TMEM132C: variants seen among roughly 807,000 people sequenced by gnomAD.
TMEM132C encodes transmembrane protein 132C, also known as protein phosphatase 1, regulatory subunit 152.
A neutral mutation model predicts 61.4 loss-of-function variants in TMEM132C; 29 were observed. The ratio of observed to expected loss-of-function variants is 0.47; its 90% CI spans 0.35 to 0.64. TMEM132C has a LOEUF of 0.64. Among genes scored for constraint, TMEM132C ranks in the 30% least tolerant of loss-of-function variants. The pLI, the probability that TMEM132C is intolerant of heterozygous loss-of-function variation, is 0.00. For synonymous variants in TMEM132C, 656 were observed against 633.1 expected (o/e 1.04, Z -0.54); for missense variants, 1,408 against 1,476.9 (o/e 0.95, Z 0.76).
rs906781127 is a variant in TMEM132C, at chr12:128,267,193, C to G, written c.-210C>G. Among the ~76,000 whole-genome samples the G allele has an allele frequency of 1.4e-5, 2 of 146,550 alleles. No individual in the cohort carries two copies. The highest frequency in any genetic ancestry group is 2.5e-5 in the African/African-American group (1 of 40,698). Reference sequence around the variant, plus strand: ...GAGAAAAGTTGTCCCGGCCGGAGCGCGAGCAGCGGCGGAGCCGGAGCCGCC... The same window carrying G: ...GAGAAAAGTTGTCCCGGCCGGAGCGGGAGCAGCGGCGGAGCCGGAGCCGCC... On this transcript the variant is annotated 5_prime_UTR_variant, in exon 1 of 9. Transcript: ENST00000435159.
intron 3 of TMEM132C, among the ~76,000 whole-genome samples, chr12:128,603,282 C>G (rs74963532): frequency 6.6e-6 from 1 of 152,196 alleles, no homozygotes; most frequent in African/African-American, 2.4e-5. Flanking sequence ...ACAGATGCTC[C>G]TCTTGATGGA....
intron 1 of TMEM132C, among the ~76,000 whole-genome samples, chr12:128,296,067 C>A (rs1871405785): frequency 6.6e-6 from 1 of 152,124 alleles, no homozygotes; most frequent in South Asian, 2.1e-4. Context: ...TCTCTTTGTC[C>A]CCTATATTTA....
intron 1 of TMEM132C, among the ~76,000 whole-genome samples, chr12:128,355,151 G>A (rs1291495418): frequency 6.6e-6 from 1 of 152,176 alleles, no homozygotes; most frequent in Non-Finnish European, 1.5e-5. Context: ...GCCCGCAGAA[G>A]CCCAAAGAAG....
intron 2 of TMEM132C, among the ~76,000 whole-genome samples, chr12:128,514,059 A>G (rs1198696279): frequency 1.3e-5 from 2 of 152,208 alleles, no homozygotes; most frequent in African/African-American, 2.4e-5. Context: ...ACAGCAGGGT[A>G]GTCAGAAATC....
intron 4 of TMEM132C, among the ~76,000 whole-genome samples, chr12:128,625,005 G>A (rs1030917923): frequency 2.0e-5 from 3 of 152,160 alleles, no homozygotes; most frequent in African/African-American, 7.2e-5. Context: ...AAGGGAGGGG[G>A]GTGACCCTAT....
intron 2 of TMEM132C, chr12:128,439,187 A>G (rs1405093116): frequency 6.1e-6 from 1 of 165,266 alleles, no homozygotes; most frequent in Non-Finnish European, 1.3e-5. Context: ...GCCAATGGCA[A>G]GGAAGGAGCT....
At chr12:128,334,771 T>C (rs556041670) in intron 1 of TMEM132C, among the ~76,000 whole-genome samples, 94 of 152,106 alleles carry the variant, frequency 6.2e-4, no homozygotes, top group Non-Finnish European at 1.3e-3. Context: ...AATTTTTTTG[T>C]AGTTTTAGTA....
Position 128,518,096 on chromosome 12 carries a change from G to C in TMEM132C, c.975-25861G>C, listed in dbSNP as rs1020724466. Reference sequence around the variant, plus strand: ...CAGCCTTTTCTCTTTTATTAGAATCGACATCTTATGTGGCACAAACAAATA... The same window carrying C: ...CAGCCTTTTCTCTTTTATTAGAATCCACATCTTATGTGGCACAAACAAATA... On this transcript the variant is annotated intron_variant, in intron 2 of 8. Transcript: ENST00000435159. 2.6e-5 allele frequency among the ~76,000 whole-genome samples: 4 copies of C among 152,158 alleles called. No individual in the cohort carries two copies. In the East Asian group the frequency reaches 7.7e-4, roughly 29 times the overall value.
rs193291919 is a variant in TMEM132C, at chr12:128,609,133, G to T, written c.1122-7019G>T. Among the ~76,000 whole-genome samples the T allele has an allele frequency of 2.0e-3, 288 of 147,324 alleles. 1 individual carries two copies. Among genetic ancestry groups the T allele is most frequent in the African/African-American group, 6.9e-3 (274 of 39,536 alleles). On this transcript the variant is annotated intron_variant, in intron 3 of 8. Transcript: ENST00000435159. ...CCTGCACTGTAACCTCCACCTCCCT[G>T]CAACACTGTAACCCCCGCCTCCCTG... is the stretch of plus-strand genomic sequence containing the variant.
chr12:128,482,903 G>C (rs1044156734), intron 2 of TMEM132C, among the ~76,000 whole-genome samples: 3 of 151,960 alleles, frequency 2.0e-5, no homozygotes, highest in Non-Finnish European at 4.4e-5. Flanking sequence ...GGGCAGATGG[G>C]TGTGTATGTG....
chr12:128,597,924 G>A (rs55657589), intron 3 of TMEM132C, among the ~76,000 whole-genome samples: 10,043 of 152,256 alleles, frequency 0.066, 460 homozygotes, highest in Middle Eastern at 0.11. Context: ...TGTGGAGCAG[G>A]CAGAGGTCCC....
chr12:128,638,887 GTGGTGGTGA>G (rs1161405295), intron 4 of TMEM132C, among the ~76,000 whole-genome samples: 138 of 69,842 alleles, frequency 2.0e-3, no homozygotes, highest in Non-Finnish European at 3.2e-3. Flanking sequence ...GGTGATGATG[GTGGTGGTGA>G]TGGTGGTGAT....
chr12:128,581,301 G>A (rs1875327609), intron 3 of TMEM132C, among the ~76,000 whole-genome samples: 1 of 151,390 alleles, frequency 6.6e-6, no homozygotes, highest in Admixed American at 6.6e-5. Context: ...CAAAAGAAAT[G>A]TTTAATTTGC....
intron 3 of TMEM132C, among the ~76,000 whole-genome samples, chr12:128,580,399 C>T (rs1375542583): frequency 6.6e-6 from 1 of 151,730 alleles, no homozygotes; most frequent in Non-Finnish European, 1.5e-5. Context: ...CCAGCCTGGG[C>T]GACAGAGCCA....
chr12:128,290,574 C>T (rs1871216205), intron 1 of TMEM132C, among the ~76,000 whole-genome samples: 1 of 152,172 alleles, frequency 6.6e-6, no homozygotes, highest in South Asian at 2.1e-4. Context: ...GGAGTTATAG[C>T]CCCATTGAAT....
intron 1 of TMEM132C, among the ~76,000 whole-genome samples, chr12:128,323,618 C>G (rs1179082841): frequency 6.6e-6 from 1 of 152,214 alleles, no homozygotes; most frequent in African/African-American, 2.4e-5. Context: ...CTGTCGCCTC[C>G]CCAGGCTCCA....
intron 1 of TMEM132C, among the ~76,000 whole-genome samples, chr12:128,340,109 TC>T (rs1165611367): frequency 2.0e-5 from 3 of 152,260 alleles, no homozygotes; most frequent in African/African-American, 7.2e-5. Context: ...AGCTGTTGTT[TC>T]TTTTTTGCTT....
At chr12:128,669,291 T>C in intron 4 of TMEM132C, 126 bp from the exon 5 acceptor site, 12 of 1,094,898 alleles carry the variant, frequency 1.1e-5, no homozygotes, top group Non-Finnish European at 1.5e-5. Flanking sequence ...ATGTAAATGG[T>C]ACAGTGTGTC....
intron 2 of TMEM132C, among the ~76,000 whole-genome samples, chr12:128,475,884 A>G (rs930883554): frequency 1.3e-5 from 2 of 152,142 alleles, no homozygotes; most frequent in African/African-American, 4.8e-5. Flanking sequence ...AGGACCCCAC[A>G]GCTAGCAAGT....
Sources: allele counts gnomAD v4.1 joint callset (sites outside exome capture counted in the v4.1 genomes callset), GRCh38; gene constraint gnomAD v4.1.1; transcripts MANE v1.5; gene names NCBI Gene and HGNC (gene_info 2026-07-23, HGNC 2026-07-21).